Variants in WDFY1 observed in about 807,000 individuals in gnomAD.
The protein encoded by WDFY1 is WD repeat and FYVE domain-containing protein 1.
Under a neutral mutation model 56.4 loss-of-function variants are expected in WDFY1, and 32 were observed. The observed-to-expected ratio is 0.57, with a 90% confidence interval of 0.43 to 0.76. The LOEUF (loss-of-function observed/expected upper bound fraction) is 0.76, where lower values mean the gene tolerates loss of function less well. Ranked by LOEUF, WDFY1 falls within the 30% of genes least tolerant of loss-of-function variation. WDFY1 has a pLI of 0.00. For missense variants in WDFY1, 480 were observed against 545.7 expected, an observed-to-expected ratio of 0.88 and a Z score of 1.20; for synonymous variants, 192 against 197.3, an observed-to-expected ratio of 0.97 and a Z score of 0.23.
At chr2:223,928,564 G>A (rs1694022214) in intron 1 of WDFY1, among the ~76,000 whole-genome samples, 1 of 152,138 alleles carries the variant, frequency 6.6e-6, no homozygotes, top group Admixed American at 6.6e-5. Context: ...GGCACTTAGG[G>A]ACTTATTTTA....
Position 223,945,232 on chromosome 2 carries a change from C to A in WDFY1, c.53G>T (p.Ser18Ile). The A allele has an allele frequency of 1.9e-6, 3 of 1,594,414 alleles. No individual in the cohort carries two copies. Among genetic ancestry groups the A allele is most frequent in the Non-Finnish European group, 2.6e-6 (3 of 1,173,962 alleles). ...GGCGTCCTGGTGCCCCTCGATCTTG[C>A]TCAGCAGCACCGGGCGGCTGCTCTG... ...RPQSSRPVLL[S>I]KIEGHQDAVT... The change falls in exon 1 of 12, where the codon AGC becomes ATC. Residue 18 changes from serine (S) to isoleucine (I), a missense_variant. Ser to Ile is a moderately radical substitution (Grantham distance 142). Coordinates refer to ENST00000233055, the MANE Select transcript of WDFY1 (RefSeq NM_020830.5).
intron 6 of WDFY1, among the ~76,000 whole-genome samples, chr2:223,898,188 G>A (rs1236259828): frequency 6.6e-6 from 1 of 151,978 alleles, no homozygotes. Flanking sequence ...ATTCCACCCA[G>A]TAATTCTTTT....
Position 223,878,699 on chromosome 2 carries a change from C to T in WDFY1, c.1205G>A (p.Ser402Asn), listed in dbSNP as rs553146689. ...IWDMTPVVGC[S>N]LATGFSPH Reference sequence around the variant, plus strand: ...GTGCGGAGAAAACCCAGTCGCCAGACTGCAGCCCACCACAGGTGTCATGTC... The same window carrying T: ...GTGCGGAGAAAACCCAGTCGCCAGATTGCAGCCCACCACAGGTGTCATGTC... Residue 402 changes from serine to asparagine, a missense_variant, in exon 12 of 12, where the codon AGT becomes AAT. Ser to Asn is a conservative substitution (Grantham distance 46). Coordinates refer to ENST00000233055, the MANE Select transcript of WDFY1 (RefSeq NM_020830.5). The T allele has an allele frequency of 1.2e-6, 2 of 1,614,004 alleles. No homozygotes were observed. Among genetic ancestry groups the T allele is most frequent in the East Asian group, 2.2e-5 (1 of 44,900 alleles).
chr2:223,881,235 T>C (rs1305988234), intron 10 of WDFY1, among the ~76,000 whole-genome samples: 1 of 152,214 alleles, frequency 6.6e-6, no homozygotes, highest in Non-Finnish European at 1.5e-5. Flanking sequence ...CCAGTAAATT[T>C]ACATGCATGT....
intron 9 of WDFY1, among the ~76,000 whole-genome samples, chr2:223,883,876 C>G (rs576913951): frequency 6.6e-6 from 1 of 152,158 alleles, no homozygotes; most frequent in East Asian, 1.9e-4. Flanking sequence ...AAACTCCTGA[C>G]CTCGGGTGAT....
At chr2:223,883,255 T>C (rs960993684) in intron 9 of WDFY1, among the ~76,000 whole-genome samples, 1 of 152,230 alleles carries the variant, frequency 6.6e-6, no homozygotes, top group Non-Finnish European at 1.5e-5. Context: ...TTTGCTATTT[T>C]CTAAAATCTC....
Position 223,884,639 on chromosome 2 carries a change from G to GCTA in WDFY1, c.933+6_933+8dup. The stretch of plus-strand genomic sequence containing the variant: ...TCAAGCCAGAGATGACTCGACAGTG[G>GCTA]CTACTCACTTGTCTTAGCCCCAGCG... On this transcript the variant is annotated intron_variant, in intron 9 of 11. Transcript: ENST00000233055. 6.2e-7 allele frequency: 1 copy of GCTA among 1,612,952 alleles called. No homozygotes were observed. Among genetic ancestry groups the GCTA allele is most frequent in the Non-Finnish European group, 8.5e-7 (1 of 1,178,976 alleles).
chr2:223,899,994 T>G (rs987013896), intron 5 of WDFY1, among the ~76,000 whole-genome samples: 1 of 152,210 alleles, frequency 6.6e-6, no homozygotes, highest in Non-Finnish European at 1.5e-5. Context: ...TTTGTGGCGG[T>G]AGTACATTTA....
chr2:223,906,823 A>G (rs572240501), intron 3 of WDFY1, among the ~76,000 whole-genome samples: 97 of 151,996 alleles, frequency 6.4e-4, no homozygotes, highest in Non-Finnish European at 1.1e-3. Flanking sequence ...CCTGGCCCCA[A>G]ACTTTCTATA....
chr2:223,901,567 A>T (rs142968610), intron 4 of WDFY1, among the ~76,000 whole-genome samples: 1 of 152,284 alleles, frequency 6.6e-6, no homozygotes, highest in Admixed American at 6.5e-5. Flanking sequence ...TGGCCACCAG[A>T]AGCTAGGAAT....
intron 1 of WDFY1, among the ~76,000 whole-genome samples, chr2:223,942,773 G>T (rs1378309937): frequency 1.2e-4 from 11 of 89,220 alleles, no homozygotes; most frequent in South Asian, 3.9e-4. Flanking sequence ...CTGACCTCAT[G>T]ATCCACCCGC....
chr2:223,878,703 A>C lies in WDFY1; in HGVS notation c.1201T>G (p.Cys401Gly), dbSNP rs756964332. 6 of 1,613,854 alleles carry C rather than the reference A, an allele frequency of 3.7e-6. No homozygotes were observed. In the East Asian group the frequency reaches 1.3e-4, roughly 36 times the overall value. ...GGAGAAAACCCAGTCGCCAGACTGCAGCCCACCACAGGTGTCATGTCCCAG... is the reference window on the plus strand; with the variant it reads ...GGAGAAAACCCAGTCGCCAGACTGCCGCCCACCACAGGTGTCATGTCCCAG... ...KIWDMTPVVGCSLATGFSPH is the reference protein window; with the variant it reads ...KIWDMTPVVGGSLATGFSPH Residue 401 changes from cysteine (C) to glycine (G), a missense_variant, in exon 12 of 12, where the codon TGC becomes GGC. By Grantham distance (159) the Cys-to-Gly change is radical. Transcript: ENST00000233055.
chr2:223,912,469 A>G (rs1295011153), intron 2 of WDFY1, 143 bp from the exon 3 acceptor site: 3 of 547,394 alleles, frequency 5.5e-6, no homozygotes, highest in Non-Finnish European at 9.1e-6. Context: ...AATTACGTAA[A>G]TTGAAAATGT....
rs682250 is a variant in WDFY1 at position 223,877,194 on chromosome 2, C to T, written c.*1477G>A. 137,126 of 152,108 alleles carry T rather than the reference C, an allele frequency of 0.9. 62,157 individuals carry two copies. The highest frequency in any genetic ancestry group is 0.96 in the South Asian group (4,643 of 4,816). The allele number at this position is 152,108 out of a possible 1,614,324, so 9.4% of individuals were successfully genotyped here. On this transcript the variant is annotated 3_prime_UTR_variant, in exon 12 of 12. Coordinates refer to ENST00000233055, the MANE Select transcript of WDFY1 (RefSeq NM_020830.5). The stretch of plus-strand genomic sequence containing the variant: ...TTTTAGTTTGATCGCCTCCTTAAAC[C>T]TTTCAGTCCCTCTAAGACATCATTA...
chr2:223,878,556 A>G lies in WDFY1; in HGVS notation c.*115T>C. 1 of 760,850 alleles carries G rather than the reference A, an allele frequency of 1.3e-6. No homozygotes were observed. The highest frequency in any genetic ancestry group is 1.7e-5 in the South Asian group (1 of 58,220). The allele number at this position is 760,850 out of a possible 1,614,324, so 47.1% of individuals were successfully genotyped here. ...TTACATTTTCTTTTTAAAAATGTTG[A>G]TTTGTTTGTAAGTGGCTACTGTCCA... On this transcript the variant is annotated 3_prime_UTR_variant, in exon 12 of 12. Coordinates refer to ENST00000233055, the MANE Select transcript of WDFY1 (RefSeq NM_020830.5).
rs988169986 is a variant in WDFY1 at position 223,875,916 on chromosome 2, A to C, written c.*2755T>G. 2.6e-5 allele frequency: 4 copies of C among 152,170 alleles called. No homozygotes were observed. The highest frequency in any genetic ancestry group is 6.5e-5 in the Admixed American group (1 of 15,276). 9.4% of individuals were successfully genotyped at this position (152,170 alleles called of 1,614,324 possible). On this transcript the variant is annotated 3_prime_UTR_variant, in exon 12 of 12. Transcript: ENST00000233055. Reference sequence around the variant, plus strand: ...ATTACATATTTGGGTCAGTTTCACCAGTTTAAAAATATAGGTACTAACAAA... The same window carrying C: ...ATTACATATTTGGGTCAGTTTCACCCGTTTAAAAATATAGGTACTAACAAA...
intron 6 of WDFY1, among the ~76,000 whole-genome samples, chr2:223,898,370 A>G (rs75642524): frequency 0.014 from 2,152 of 152,270 alleles, 40 homozygotes; most frequent in Middle Eastern, 0.058. Context: ...GTAATTTTAA[A>G]GGTCTTCCCA....
At chr2:223,896,777 T>C (rs548188116) in intron 6 of WDFY1, among the ~76,000 whole-genome samples, 35 of 152,354 alleles carry the variant, frequency 2.3e-4, no homozygotes, top group Non-Finnish European at 4.6e-4. Context: ...ACAAATATTC[T>C]GCAAAGGCTT....
chr2:223,916,128 A>C (rs1213248741), intron 2 of WDFY1, among the ~76,000 whole-genome samples: 1 of 152,178 alleles, frequency 6.6e-6, no homozygotes, highest in Non-Finnish European at 1.5e-5. Flanking sequence ...GGTCTCTCTC[A>C]ATTTCACTGA....
Sources: gnomAD v4.1 joint callset for allele counts (sites outside exome capture counted in the v4.1 genomes callset) on GRCh38, gnomAD v4.1.1 for gene constraint, MANE v1.5 for transcripts, NCBI Gene and HGNC (gene_info 2026-07-23, HGNC 2026-07-21) for gene names.